The following GNAL variants were observed in gnomAD, a reference collection of about 807,000 sequenced individuals.
GNAL encodes the protein guanine nucleotide-binding protein G(olf) subunit alpha.
Under a neutral mutation model 55.1 loss-of-function variants are expected in GNAL, and 18 were observed. The ratio of observed to expected loss-of-function variants is 0.33; its 90% CI spans 0.23 to 0.48. GNAL has a LOEUF of 0.48. GNAL is among the 20% of genes least tolerant of loss of function. The pLI is 0.99. For missense variants in GNAL, 412 were observed against 614.1 expected (o/e 0.67, Z 3.48); for synonymous variants, 253 against 237.0 (o/e 1.07, Z -0.62).
chr18:11,832,496 C>T (rs1445579734), intron 5 of GNAL, among the ~76,000 whole-genome samples: 1 of 152,138 alleles, frequency 6.6e-6, no homozygotes. Context: ...GCTTTCAGGA[C>T]AATCTGGAAA....
intron 6 of GNAL, among the ~76,000 whole-genome samples, chr18:11,863,350 C>G (rs931300655): frequency 6.6e-6 from 1 of 152,230 alleles, no homozygotes; most frequent in Non-Finnish European, 1.5e-5. Flanking sequence ...AAACCACACT[C>G]TCCAAACTTC....
intron 1 of GNAL, among the ~76,000 whole-genome samples, chr18:11,718,246 A>G (rs755141528): frequency 6.6e-6 from 1 of 152,164 alleles, no homozygotes; most frequent in African/African-American, 2.4e-5. Context: ...TTATTCTTAC[A>G]TTTTCTTAAA....
chr18:11,757,470 C>A (rs2033097267), intron 4 of GNAL, among the ~76,000 whole-genome samples: 1 of 152,036 alleles, frequency 6.6e-6, no homozygotes, highest in African/African-American at 2.4e-5. Context: ...TCTAATAATA[C>A]AGTGGAAAGG....
intron 4 of GNAL, among the ~76,000 whole-genome samples, chr18:11,777,210 A>G (rs2033808865): frequency 6.6e-6 from 1 of 152,218 alleles, no homozygotes; most frequent in Admixed American, 6.5e-5. Context: ...ACTGGAAGCT[A>G]CATCTCTTTC....
intron 4 of GNAL, among the ~76,000 whole-genome samples, chr18:11,782,249 G>A (rs1238166662): frequency 2.0e-5 from 3 of 152,088 alleles, no homozygotes; most frequent in Non-Finnish European, 1.5e-5. Context: ...CCAGGGAGGC[G>A]GAGCTTGCAG....
intron 1 of GNAL, among the ~76,000 whole-genome samples, chr18:11,693,225 A>G (rs2031308715): frequency 6.6e-6 from 1 of 152,248 alleles, no homozygotes; most frequent in African/African-American, 2.4e-5. Flanking sequence ...TGAAAAACAA[A>G]TGTGATGAGA....
chr18:11,753,212 G>A (rs975585835), intron 2 of GNAL, among the ~76,000 whole-genome samples: 16 of 128,424 alleles, frequency 1.2e-4, no homozygotes, highest in African/African-American at 5.9e-4. Context: ...CCAATATCTC[G>A]ATATATTTTT....
chr18:11,839,745 C>A (rs1424969336), intron 5 of GNAL, among the ~76,000 whole-genome samples: 3 of 152,104 alleles, frequency 2.0e-5, no homozygotes, highest in African/African-American at 7.2e-5. Flanking sequence ...GAATGAGGAG[C>A]TGAACTGTGC....
chr18:11,803,769 T>A (rs1398179863), intron 4 of GNAL, among the ~76,000 whole-genome samples: 1 of 151,280 alleles, frequency 6.6e-6, no homozygotes, highest in Non-Finnish European at 1.5e-5. Context: ...CAGGTGCAGT[T>A]TGGATGGAAC....
chr18:11,857,529 G>A (rs981316660), intron 5 of GNAL: 26 of 985,214 alleles, frequency 2.6e-5, no homozygotes, highest in Non-Finnish European at 2.9e-5. Context: ...AGGAGGAAGC[G>A]CAGGAGTCAT....
At chr18:11,837,909 G>A (rs2035531179) in intron 5 of GNAL, among the ~76,000 whole-genome samples, 1 of 152,210 alleles carries the variant, frequency 6.6e-6, no homozygotes, top group Non-Finnish European at 1.5e-5. Context: ...GGAGGCCAAG[G>A]TGAGTGGATC....
chr18:11,806,863 T>G, intron 4 of GNAL, among the ~76,000 whole-genome samples: 1 of 152,090 alleles, frequency 6.6e-6, no homozygotes, highest in Non-Finnish European at 1.5e-5. Flanking sequence ...CTTGTGTTAG[T>G]TTGCTAAAAA....
chr18:11,884,483 A>G lies in GNAL; in HGVS notation c.*3348A>G, dbSNP rs2036877825. 1 of 1,614,014 alleles carries G rather than the reference A, an allele frequency of 6.2e-7. No individual in the cohort carries two copies. The highest frequency in any genetic ancestry group is 1.3e-5 in the African/African-American group (1 of 74,932). On this transcript the variant is annotated 3_prime_UTR_variant, in exon 12 of 12. Transcript: ENST00000334049. Reference sequence around the variant, plus strand: ...CGCTTTCCGAGCAAGTTCAAACCAGAAAGAAAAGGTGAGGCTAGAAGCCCA... The same window carrying G: ...CGCTTTCCGAGCAAGTTCAAACCAGGAAGAAAAGGTGAGGCTAGAAGCCCA...
intron 4 of GNAL, among the ~76,000 whole-genome samples, chr18:11,759,448 G>A (rs190514961): frequency 6.6e-6 from 1 of 152,368 alleles, no homozygotes; most frequent in East Asian, 1.9e-4. Flanking sequence ...ACCACCTGGT[G>A]TTTCCTAAAT....
chr18:11,857,796 T>C, intron 5 of GNAL: 1 of 938,080 alleles, frequency 1.1e-6, no homozygotes. Context: ...GTGAGTAATG[T>C]TTTTCTCCAC....
At chr18:11,846,008 G>C (rs1448365033) in intron 5 of GNAL, among the ~76,000 whole-genome samples, 1 of 152,118 alleles carries the variant, frequency 6.6e-6, no homozygotes, top group Non-Finnish European at 1.5e-5. Flanking sequence ...CCTCTCTGGT[G>C]ATCTGACCTG....
Position 11,689,492 on chromosome 18 carries a change from GC to G in GNAL, c.-71del. The G allele has an allele frequency of 1.4e-6, 1 of 696,382 alleles. No homozygotes were observed. The highest frequency in any genetic ancestry group is 2.0e-6 in the Non-Finnish European group (1 of 502,734). 43.1% of individuals were successfully genotyped at this position (696,382 alleles called of 1,614,324 possible). ...GCTGAGGCGCCGGCCTGAACTGGGC[GC>G]GGGAACCAGGCCGCCCTCGGCGCCC... is the stretch of plus-strand genomic sequence containing the variant. On this transcript the variant is annotated 5_prime_UTR_variant, in exon 1 of 12. Transcript: ENST00000334049.
Position 11,751,233 on chromosome 18 carries a change from C to T in GNAL, c.377-1620C>T, listed in dbSNP as rs1321213081. On this transcript the variant is annotated intron_variant, in intron 1 of 11. Transcript: ENST00000334049. The surrounding 1 kb of genome is among the most constrained non-coding windows in gnomAD (Gnocchi z 4.5). Reference sequence around the variant, plus strand: ...CGGCCCCCTCTTCTGACCTCCTTCCCCCAAGTACAACACTGCAAACGCCAA... The same window carrying T: ...CGGCCCCCTCTTCTGACCTCCTTCCTCCAAGTACAACACTGCAAACGCCAA... 6.6e-6 allele frequency among the ~76,000 whole-genome samples: 1 copy of T among 152,088 alleles called. No homozygotes were observed. The highest frequency in any genetic ancestry group is 1.5e-5 in the Non-Finnish European group (1 of 68,008).
At chr18:11,816,952 T>C (rs2034973127) in intron 4 of GNAL, among the ~76,000 whole-genome samples, 1 of 151,598 alleles carries the variant, frequency 6.6e-6, no homozygotes, top group South Asian at 2.1e-4. Flanking sequence ...AAGGCAAAAC[T>C]ATAGAGACAG....
Sources: allele counts gnomAD v4.1 joint callset (sites outside exome capture counted in the v4.1 genomes callset), GRCh38; gene constraint gnomAD v4.1.1; non-coding constraint Gnocchi (gnomAD v3.1); transcripts MANE v1.5; gene names NCBI Gene and HGNC (gene_info 2026-07-23, HGNC 2026-07-21).